The following KCNC4 variants were observed in gnomAD, a reference collection of about 807,000 sequenced individuals.
The protein encoded by KCNC4 is voltage-gated potassium channel KCNC4.
KCNC4 carries 23 observed loss-of-function variants against 42.8 expected under a neutral mutation model. That is an observed-to-expected ratio of 0.54 (90% CI 0.39 to 0.76). The LOEUF is 0.76. KCNC4 is among the 30% of genes least tolerant of loss of function. The probability of loss-of-function intolerance (pLI) is 0.00; values close to 1 mark genes in which losing one functional copy is unlikely to be tolerated. For synonymous variants in KCNC4, 422 were observed against 393.5 expected, an observed-to-expected ratio of 1.07 and a Z score of -0.86; for missense variants, 751 against 898.2, an observed-to-expected ratio of 0.84 and a Z score of 2.10.
rs1392267658 is a variant in KCNC4, at chr1:110,211,787, C to A, written c.288C>A (p.Phe96Leu). 1.2e-6 allele frequency: 2 copies of A among 1,611,106 alleles called. No homozygotes were observed. Among genetic ancestry groups the A allele is most frequent in the African/African-American group, 2.7e-5 (2 of 74,852 alleles). ...GCGGCGGGGGCTGCGAGTTCTTCTT[C>A]GACAGGCACCCGGGCGTCTTCGCCT... ...SSGGGGCEFF[F>L]DRHPGVFAYV... The change falls in exon 1 of 4, where the codon TTC (phenylalanine) becomes TTA (leucine). Residue 96 changes from phenylalanine to leucine, a missense_variant. Physicochemically the swap from Phe to Leu is conservative, Grantham distance 22. Coordinates refer to ENST00000438661, the MANE Select transcript of KCNC4 (RefSeq NM_001039574.3). The surrounding 1 kb of genome is among the most constrained non-coding windows in gnomAD (Gnocchi z 6.5).
chr1:110,221,697 G>A (rs1370820179), intron 1 of KCNC4: 1 of 152,224 alleles, frequency 6.6e-6, no homozygotes, highest in East Asian at 1.9e-4. Flanking sequence ...GTCAGGGTAG[G>A]TCAGGCAGGC....
chr1:110,230,546 A>G (rs536299988), intron 3 of KCNC4, among the ~76,000 whole-genome samples: 10 of 152,244 alleles, frequency 6.6e-5, no homozygotes, highest in Admixed American at 2.0e-4. Flanking sequence ...CAGGAGCCCA[A>G]GTTTCCACGG....
intron 1 of KCNC4, among the ~76,000 whole-genome samples, chr1:110,273,000 T>C (rs1297265710): frequency 6.6e-6 from 1 of 152,216 alleles, no homozygotes; most frequent in Non-Finnish European, 1.5e-5. Context: ...GTGGTGTCTA[T>C]GTAAATCTCC....
intron 1 of KCNC4, among the ~76,000 whole-genome samples, chr1:110,258,207 T>C (rs1659368887): frequency 6.6e-6 from 1 of 152,218 alleles, no homozygotes; most frequent in Admixed American, 6.5e-5. Context: ...TCTAGATTTG[T>C]ATTTCTCCTA....
chr1:110,254,089 T>TG (rs1659288065), downstream of KCNC4, among the ~76,000 whole-genome samples: 1 of 58,258 alleles, frequency 1.7e-5, no homozygotes, highest in Admixed American at 1.4e-4. Flanking sequence ...TAGGCAGAAG[T>TG]CGGGGGGGGG....
chr1:110,254,665 TG>T (rs933161832), intron 1 of KCNC4, among the ~76,000 whole-genome samples: 2 of 152,164 alleles, frequency 1.3e-5, no homozygotes, highest in African/African-American at 4.8e-5. Context: ...GGAGATGAGT[TG>T]GGGGGAGGAC....
At chr1:110,280,570 C>T (rs567085526) in intron 1 of KCNC4, among the ~76,000 whole-genome samples, 5 of 152,150 alleles carry the variant, frequency 3.3e-5, no homozygotes, top group South Asian at 2.1e-4. Context: ...TAGCCTGGTC[C>T]GCTGCCCACA....
rs533097614 is a variant in KCNC4, at chr1:110,218,053, A to G, written c.679-4911A>G. On this transcript the variant is annotated intron_variant, in intron 1 of 3. Coordinates refer to ENST00000438661, the MANE Select transcript of KCNC4 (RefSeq NM_001039574.3). The stretch of plus-strand genomic sequence containing the variant: ...TTCTCCTACACTTCATCCTTAATAT[A>G]GGTTTTTGGGCCTGAGTCTCCTTAT... Among the ~76,000 whole-genome samples, 112 of 152,090 alleles carry G rather than the reference A, an allele frequency of 7.4e-4. 1 individual carries two copies. The highest frequency in any genetic ancestry group is 2.6e-3 in the African/African-American group (106 of 41,460).
At chr1:110,232,183 A>C (rs781759190) in intron 3 of KCNC4, 260 of 1,605,818 alleles carry the variant, frequency 1.6e-4, no homozygotes, top group Non-Finnish European at 2.1e-4. Flanking sequence ...TGGGTTTCTC[A>C]ATAAGGTACT....
At chr1:110,261,572 C>G (rs57156280) in intron 1 of KCNC4, among the ~76,000 whole-genome samples, 6,443 of 145,874 alleles carry the variant, frequency 0.044, 483 homozygotes, top group African/African-American at 0.15. Context: ...AATGACTTCC[C>G]TAATAAAAAC....
intron 1 of KCNC4, chr1:110,282,404 C>T (rs1245574862): frequency 2.6e-5 from 4 of 152,236 alleles, no homozygotes; most frequent in African/African-American, 9.6e-5. Flanking sequence ...AGGAGCGAGG[C>T]TCTTACATGT....
chr1:110,212,344 C>G (rs1456999804), intron 1 of KCNC4, among the ~76,000 whole-genome samples, 167 bp downstream of exon 1: 1 of 152,172 alleles, frequency 6.6e-6, no homozygotes. Flanking sequence ...GGGAATTACA[C>G]ACTCCCACCC....
chr1:110,235,674 C>A (rs1658890283), downstream of KCNC4: 1 of 152,170 alleles, frequency 6.6e-6, no homozygotes, highest in Non-Finnish European at 1.5e-5. Context: ...GCCCCTCCTC[C>A]CCACCTCACA....
At chr1:110,252,880 A>G (rs556887977), downstream of KCNC4, among the ~76,000 whole-genome samples, 17 of 152,258 alleles carry the variant, frequency 1.1e-4, no homozygotes, top group South Asian at 8.3e-4. Flanking sequence ...TCAACTTTTC[A>G]TAGGATAGGA....
At chr1:110,226,370 A>C (rs1243421413) in intron 3 of KCNC4, 192 bp downstream of exon 3, 3 of 623,372 alleles carry the variant, frequency 4.8e-6, no homozygotes, top group Non-Finnish European at 2.9e-6. Flanking sequence ...TCTCCATCTC[A>C]GAAGGGCACA....
chr1:110,218,228 G>A (rs1657903680), intron 1 of KCNC4, among the ~76,000 whole-genome samples: 1 of 152,140 alleles, frequency 6.6e-6, no homozygotes. Flanking sequence ...TAGGCTTTGT[G>A]CTGAGTTTTA....
At chr1:110,217,060 G>T (rs1165133046) in intron 1 of KCNC4, among the ~76,000 whole-genome samples, 2 of 152,198 alleles carry the variant, frequency 1.3e-5, no homozygotes, top group East Asian at 3.9e-4. Context: ...CCATACACAT[G>T]TGGGGTTCTA....
intron 3 of KCNC4, among the ~76,000 whole-genome samples, chr1:110,227,259 C>T (rs912724958): frequency 3.9e-5 from 6 of 152,172 alleles, no homozygotes; most frequent in African/African-American, 7.2e-5. Context: ...TGCCTCTGTC[C>T]CTCTGAAGAT....
At chr1:110,280,848 G>A (rs1659807411) in intron 1 of KCNC4, among the ~76,000 whole-genome samples, 1 of 152,188 alleles carries the variant, frequency 6.6e-6, no homozygotes, top group African/African-American at 2.4e-5. Flanking sequence ...CTGGTCTGCT[G>A]CCTTGCTATT....
Sources: gnomAD v4.1 joint callset for allele counts (sites outside exome capture counted in the v4.1 genomes callset) on GRCh38, gnomAD v4.1.1 for gene constraint, Gnocchi (gnomAD v3.1) non-coding constraint, MANE v1.5 for transcripts, NCBI Gene and HGNC (gene_info 2026-07-23, HGNC 2026-07-21) for gene names.